LYST: variants seen among roughly 807,000 people sequenced by gnomAD.
LYST encodes lysosomal trafficking regulator.
LYST carries 192 observed loss-of-function variants against 413.6 expected under a neutral mutation model. That is an observed-to-expected ratio of 0.46 (90% CI 0.41 to 0.52). The LOEUF (loss-of-function observed/expected upper bound fraction) is 0.52, where lower values mean the gene tolerates loss of function less well. Among genes scored for constraint, LYST ranks in the 20% least tolerant of loss-of-function variants. The probability of loss-of-function intolerance (pLI) is 0.00; values close to 1 mark genes in which losing one functional copy is unlikely to be tolerated. For missense variants in LYST, 3,815 were observed against 4,499.9 expected (o/e 0.85, Z 4.35); for synonymous variants, 1,525 against 1,567.3 (o/e 0.97, Z 0.64).
intron 38 of LYST, 55 bp from the exon 39 acceptor site, chr1:235,724,235 C>T (rs1393431271): frequency 2.1e-6 from 3 of 1,434,734 alleles, no homozygotes; most frequent in Non-Finnish European, 2.9e-6. Flanking sequence ...TAAATAATTA[C>T]TTTAATTTTA....
intron 12 of LYST, among the ~76,000 whole-genome samples, chr1:235,791,127 T>C (rs1670931558): frequency 6.6e-6 from 1 of 151,952 alleles, no homozygotes; most frequent in African/African-American, 2.4e-5. Flanking sequence ...CTACTAAAAA[T>C]ATAAAATTAG....
At position 235,805,718 on chromosome 1, in the gene LYST, AG is replaced by A. The variant is rs765472385; in HGVS notation, c.3393+24del. ...TATATATGTATATATATTACATAAGAGTTGGACTAAGGACAAGGTATTACCT... is the reference window on the plus strand; with the variant it reads ...TATATATGTATATATATTACATAAGATTGGACTAAGGACAAGGTATTACCT... On this transcript the variant is annotated intron_variant, in intron 6 of 52. Coordinates refer to ENST00000389793, the MANE Select transcript of LYST (RefSeq NM_000081.4). 4.0e-6 allele frequency: 6 copies of A among 1,490,778 alleles called. No individual in the cohort carries two copies. The South Asian group carries it at 6.8e-5, about 17-fold the overall frequency. 92.3% of individuals were successfully genotyped at this position (1,490,778 alleles called of 1,614,324 possible).
chr1:235,816,128 CAAAAAAAA>C (rs59556548), intron 3 of LYST, among the ~76,000 whole-genome samples: 5 of 11,790 alleles, frequency 4.2e-4, no homozygotes, highest in Non-Finnish European at 6.5e-4. Context: ...GACTCCATCT[CAAAAAAAA>C]AAAAAAAAAA....
intron 47 of LYST, among the ~76,000 whole-genome samples, chr1:235,687,483 T>C (rs144836595): frequency 2.0e-5 from 3 of 152,320 alleles, no homozygotes; most frequent in Non-Finnish European, 4.4e-5. Context: ...AACAGAGGTA[T>C]TGCTTCTAAT....
intron 46 of LYST, among the ~76,000 whole-genome samples, chr1:235,694,267 G>A (rs1054652760): frequency 1.3e-5 from 2 of 151,792 alleles, no homozygotes; most frequent in Admixed American, 6.6e-5. Context: ...TGCCCGCCTC[G>A]GCCTCCCAAA....
chr1:235,782,469 G>A (rs1313414521), intron 14 of LYST, among the ~76,000 whole-genome samples: 1 of 151,910 alleles, frequency 6.6e-6, no homozygotes, highest in East Asian at 1.9e-4. Context: ...CACCACACCC[G>A]GCCTACAATG....
chr1:235,664,192 T>C lies in LYST; in HGVS notation c.11196-137A>G. On this transcript the variant is annotated intron_variant, in intron 51 of 52. Transcript: ENST00000389793. The surrounding 1 kb of genome is among the most constrained non-coding windows in gnomAD (Gnocchi z 4.5). Reference sequence around the variant, plus strand: ...TTAACAGTAGTTCCCTCTAGGGAGTTTGCAGGGGGTAGATGTGGGAATAAG... The same window carrying C: ...TTAACAGTAGTTCCCTCTAGGGAGTCTGCAGGGGGTAGATGTGGGAATAAG... 1 of 779,882 alleles carries C rather than the reference T, an allele frequency of 1.3e-6. No homozygotes were observed. The highest frequency in any genetic ancestry group is 2.2e-6 in the Non-Finnish European group (1 of 451,262). The allele number at this position is 779,882 out of a possible 1,614,324, so 48.3% of individuals were successfully genotyped here. A position where few individuals can be genotyped will look rare whatever the true frequency, so the allele number is the denominator to read the frequency against.
At chr1:235,850,395 T>TA (rs978981514) in intron 1 of LYST, among the ~76,000 whole-genome samples, 45 of 152,312 alleles carry the variant, frequency 3.0e-4, no homozygotes, top group African/African-American at 1.1e-3. Context: ...ACTAAGGACT[T>TA]AAACTTAAGA....
At chr1:235,769,535 C>T (rs1024928479) in intron 20 of LYST, among the ~76,000 whole-genome samples, 3 of 151,802 alleles carry the variant, frequency 2.0e-5, no homozygotes, top group Non-Finnish European at 4.4e-5. Flanking sequence ...AAGTTCTAAT[C>T]GATGCCTTAG....
At chr1:235,716,418 GA>G (rs1307395990) in intron 41 of LYST, among the ~76,000 whole-genome samples, 1 of 152,162 alleles carries the variant, frequency 6.6e-6, no homozygotes, top group Non-Finnish European at 1.5e-5. Context: ...CAGGTCCCTG[GA>G]AATCTTTGTG....
chr1:235,683,480 A>T (rs945488590), intron 48 of LYST, among the ~76,000 whole-genome samples: 23 of 152,246 alleles, frequency 1.5e-4, no homozygotes, highest in African/African-American at 5.5e-4. Flanking sequence ...TAAATGGCTT[A>T]TAGGTTACAA....
chr1:235,794,535 A>C (rs1051272974), intron 10 of LYST, among the ~76,000 whole-genome samples: 1 of 152,198 alleles, frequency 6.6e-6, no homozygotes, highest in East Asian at 1.9e-4. Flanking sequence ...CTCACCAAAA[A>C]CAAAAAACCC....
chr1:235,763,813 C>T (rs981852402), intron 21 of LYST, among the ~76,000 whole-genome samples: 2 of 152,034 alleles, frequency 1.3e-5, no homozygotes, highest in African/African-American at 4.8e-5. Flanking sequence ...TGCTATAATG[C>T]AGGCTTTATC....
intron 9 of LYST, 42 bp from the exon 10 acceptor site, chr1:235,800,428 C>A: frequency 9.1e-7 from 1 of 1,100,574 alleles, no homozygotes; most frequent in South Asian, 1.2e-5. Context: ...ACTTACCTCA[C>A]AGAAGCATGA....
chr1:235,736,432 GGA>G (rs375979256), intron 31 of LYST: 4 of 152,164 alleles, frequency 2.6e-5, no homozygotes, highest in African/African-American at 9.7e-5. Context: ...GATAGACAAA[GGA>G]GAGAGAGGTG....
chr1:235,725,537 G>C (rs1663787337), intron 38 of LYST, among the ~76,000 whole-genome samples: 1 of 152,140 alleles, frequency 6.6e-6, no homozygotes, highest in African/African-American at 2.4e-5. Flanking sequence ...GCCTCTCTCT[G>C]AGAATTCATA....
intron 18 of LYST, among the ~76,000 whole-genome samples, chr1:235,774,579 C>A (rs980005555): frequency 6.6e-6 from 1 of 152,150 alleles, no homozygotes; most frequent in Non-Finnish European, 1.5e-5. Flanking sequence ...GAACTGGGTT[C>A]TCTGCCATAA....
intron 1 of LYST, among the ~76,000 whole-genome samples, chr1:235,845,143 C>A (rs1677662987): frequency 6.6e-6 from 1 of 152,138 alleles, no homozygotes; most frequent in Non-Finnish European, 1.5e-5. Flanking sequence ...CCCCAGGAGA[C>A]CCCCAAATAC....
At position 235,791,950 on chromosome 1, in the gene LYST, A is replaced by G. The variant is rs770736222; in HGVS notation, c.4292T>C (p.Val1431Ala). The G allele has an allele frequency of 1.2e-6, 2 of 1,613,880 alleles. No individual in the cohort carries two copies. Among genetic ancestry groups the G allele is most frequent in the Admixed American group, 1.7e-5 (1 of 59,978 alleles). The change falls in exon 12 of 53, where the codon GTT (valine) becomes GCT (alanine). Residue 1431 changes from valine to alanine, a missense_variant. Val to Ala is a moderately conservative substitution (Grantham distance 64). Transcript: ENST00000389793. Reference sequence around the variant, plus strand: ...ATCAGCCTCTTTCTTGCTCCGTGAAACTCGTGCTCTTCTCAATAAACCCAT... The same window carrying G: ...ATCAGCCTCTTTCTTGCTCCGTGAAGCTCGTGCTCTTCTCAATAAACCCAT... ...KAMGLLRRAR[V>A]SRSKKEADRE... is the part of the protein sequence containing the mutation.
Sources: gnomAD v4.1 joint callset for allele counts (sites outside exome capture counted in the v4.1 genomes callset) on GRCh38, gnomAD v4.1.1 for gene constraint, Gnocchi (gnomAD v3.1) non-coding constraint, MANE v1.5 for transcripts, NCBI Gene and HGNC (gene_info 2026-07-23, HGNC 2026-07-21) for gene names.